Variants in OPCML observed in about 807,000 individuals in gnomAD.
OPCML encodes the protein opioid binding protein/cell adhesion molecule like, also known as opioid-binding protein/cell adhesion molecule.
Under a neutral mutation model 37.8 loss-of-function variants are expected in OPCML, and 13 were observed. The observed-to-expected ratio is 0.34, with a 90% confidence interval of 0.22 to 0.55. OPCML has a LOEUF of 0.55. Among genes scored for constraint, OPCML ranks in the 20% least tolerant of loss-of-function variants. The pLI is 0.91. For synonymous variants in OPCML, 176 were observed against 168.8 expected (o/e 1.04, Z -0.33); for missense variants, 341 against 435.6 (o/e 0.78, Z 1.93).
intron 2 of OPCML, among the ~76,000 whole-genome samples, chr11:132,724,384 A>G (rs1188801133): frequency 6.6e-6 from 1 of 152,188 alleles, no homozygotes; most frequent in African/African-American, 2.4e-5. Flanking sequence ...GAACCCTTAT[A>G]TAACCATGAG....
intron 1 of OPCML, among the ~76,000 whole-genome samples, chr11:133,218,063 C>G (rs1320495441): frequency 6.6e-6 from 1 of 150,628 alleles, no homozygotes; most frequent in Non-Finnish European, 1.5e-5. Flanking sequence ...AAAACCCAAG[C>G]AAACAAAAAA....
intron 3 of OPCML, among the ~76,000 whole-genome samples, chr11:132,591,695 G>A (rs577052943): frequency 4.6e-5 from 7 of 152,250 alleles, no homozygotes; most frequent in African/African-American, 1.7e-4. Flanking sequence ...GCACCTATGA[G>A]GATTAATTAG....
intron 1 of OPCML, among the ~76,000 whole-genome samples, chr11:133,099,298 T>C (rs969065768): frequency 2.0e-5 from 3 of 151,780 alleles, no homozygotes; most frequent in Non-Finnish European, 4.4e-5. Flanking sequence ...AGTCTTGCTC[T>C]GTCGCCCAGG....
intron 2 of OPCML, among the ~76,000 whole-genome samples, chr11:132,903,997 T>C (rs969650500): frequency 6.6e-6 from 1 of 152,224 alleles, no homozygotes; most frequent in Non-Finnish European, 1.5e-5. Context: ...TATTATCTTA[T>C]AACCCCTGAA....
At chr11:132,566,461 G>T (rs1316042214) in intron 3 of OPCML, among the ~76,000 whole-genome samples, 2 of 152,218 alleles carry the variant, frequency 1.3e-5, no homozygotes, top group African/African-American at 4.8e-5. Context: ...GAGGTGGACA[G>T]CTAGAAAATG....
At chr11:132,493,528 G>A (rs1213110416) in intron 4 of OPCML, among the ~76,000 whole-genome samples, 2 of 151,998 alleles carry the variant, frequency 1.3e-5, no homozygotes, top group African/African-American at 2.4e-5. Flanking sequence ...CTCTGTCCAC[G>A]TCCCTTTATA....
intron 2 of OPCML, among the ~76,000 whole-genome samples, chr11:132,750,927 T>C (rs1005252080): frequency 6.6e-5 from 10 of 152,126 alleles, no homozygotes; most frequent in African/African-American, 2.4e-4. Context: ...GTATATTTTC[T>C]ATGTTTCTGA....
At chr11:132,474,402 A>T (rs1283197409) in intron 4 of OPCML, among the ~76,000 whole-genome samples, 1 of 152,200 alleles carries the variant, frequency 6.6e-6, no homozygotes, top group African/African-American at 2.4e-5. Context: ...CCCAGGGGAT[A>T]TGGAAAAGCA....
intron 1 of OPCML, among the ~76,000 whole-genome samples, chr11:133,049,341 C>T (rs1230773371): frequency 3.3e-5 from 5 of 152,174 alleles, no homozygotes; most frequent in African/African-American, 1.2e-4. Flanking sequence ...GATCTGTCTA[C>T]TGAGCAAGCT....
chr11:133,464,176 C>T (rs75649142), intron 1 of OPCML, among the ~76,000 whole-genome samples: 1 of 152,088 alleles, frequency 6.6e-6, no homozygotes, highest in East Asian at 1.9e-4. Flanking sequence ...TTCTTTAACA[C>T]CTGAAAATGT....
chr11:132,907,219 CCTT>C (rs1241574951), intron 2 of OPCML, among the ~76,000 whole-genome samples: 1 of 152,224 alleles, frequency 6.6e-6, no homozygotes, highest in Non-Finnish European at 1.5e-5. Flanking sequence ...CTCAATCCAT[CCTT>C]CTAACACTCT....
chr11:132,618,113 T>C (rs1166887477), intron 3 of OPCML, among the ~76,000 whole-genome samples: 2 of 152,186 alleles, frequency 1.3e-5, no homozygotes, highest in Non-Finnish European at 2.9e-5. Context: ...TAAAAGTTGA[T>C]GGAAGTGCTG....
chr11:132,991,569 A>G (rs1366191051), intron 1 of OPCML, among the ~76,000 whole-genome samples: 1 of 152,250 alleles, frequency 6.6e-6, no homozygotes, highest in East Asian at 1.9e-4. Context: ...CTCTACGGTG[A>G]AGACCTATTT....
intron 4 of OPCML, among the ~76,000 whole-genome samples, chr11:132,456,195 G>A (rs2096082277): frequency 6.6e-6 from 1 of 152,148 alleles, no homozygotes; most frequent in African/African-American, 2.4e-5. Context: ...CAGCTAAAAG[G>A]ATAAACAGTT....
chr11:133,011,708 C>T (rs191952146), intron 1 of OPCML, among the ~76,000 whole-genome samples: 17 of 151,612 alleles, frequency 1.1e-4, no homozygotes, highest in Admixed American at 9.9e-4. Context: ...TGGGGTAAAG[C>T]GGGAAGACAG....
At chr11:133,363,860 G>A (rs762755976) in intron 1 of OPCML, among the ~76,000 whole-genome samples, 2 of 152,170 alleles carry the variant, frequency 1.3e-5, no homozygotes, top group East Asian at 3.9e-4. Flanking sequence ...TGTTGGTTTA[G>A]CATGGTACCC....
At chr11:132,628,810 G>T (rs565359419) in intron 3 of OPCML, among the ~76,000 whole-genome samples, 1 of 152,090 alleles carries the variant, frequency 6.6e-6, no homozygotes, top group Non-Finnish European at 1.5e-5. Context: ...GACTTGTCAC[G>T]AGATCTGCTG....
chr11:133,204,878 A>ATATATATATATATATATGTGTG (rs1565502211), intron 1 of OPCML, among the ~76,000 whole-genome samples: 6 of 25,950 alleles, frequency 2.3e-4, no homozygotes, highest in African/African-American at 4.8e-4. Context: ...GTATATATAT[A>ATATATATATATATATATGTGTG]TATATATATA....
At chr11:132,923,286 G>A (rs542615445) in intron 2 of OPCML, among the ~76,000 whole-genome samples, 1 of 152,136 alleles carries the variant, frequency 6.6e-6, no homozygotes. Flanking sequence ...CCTTGTATGA[G>A]AACCAGACTC....
Sources: allele counts gnomAD v4.1 joint callset (sites outside exome capture counted in the v4.1 genomes callset), GRCh38; gene constraint gnomAD v4.1.1; transcripts MANE v1.5; gene names NCBI Gene and HGNC (gene_info 2026-07-23, HGNC 2026-07-21).